The following NFATC1 variants were observed in gnomAD, a reference collection of about 807,000 sequenced individuals.
NFATC1 encodes the protein nuclear factor of activated T cells 1.
A neutral mutation model predicts 76.0 loss-of-function variants in NFATC1; 22 were observed. The ratio of observed to expected loss-of-function variants is 0.29; its 90% CI spans 0.21 to 0.41. The LOEUF (loss-of-function observed/expected upper bound fraction) is 0.41. Ranked by LOEUF, NFATC1 falls within the 10% of genes least tolerant of loss-of-function variation. NFATC1 has a pLI of 1.00. For missense variants in NFATC1, 1,357 were observed against 1,337.7 expected (o/e 1.01, Z -0.23); for synonymous variants, 704 against 613.1 (o/e 1.15, Z -2.19).
intron 6 of NFATC1, among the ~76,000 whole-genome samples, chr18:79,455,776 TCCCACGGCCGCCCCATCCCACGGCCGCC>T (rs1568984220): frequency 4.6e-4 from 5 of 10,910 alleles, no homozygotes; most frequent in African/African-American, 1.6e-3. Flanking sequence ...GGCCGCCCCA[TCCCACGGCCGCCCCATCCCACGGCCGCC>T]CCATCCTCTG....
At position 79,475,036 on chromosome 18, in the gene NFATC1, C is replaced by A. The variant is rs533751073; in HGVS notation, c.2092+7454C>A. ...CGTAAACCTGAGGGAAGCGTGTTCT[C>A]ACGCTCACTGTCGACGTTGTAAACC... On this transcript the variant is annotated intron_variant, in intron 8 of 9. Coordinates refer to ENST00000427363, the MANE Select transcript of NFATC1 (RefSeq NM_001278669.2). Among the ~76,000 whole-genome samples, 14 of 134,996 alleles carry A rather than the reference C, an allele frequency of 1.0e-4. No individual in the cohort carries two copies. In the South Asian group the frequency reaches 3.2e-3, roughly 31 times the overall value. The allele number at this position is 134,996 out of a possible 152,430, so 88.6% of individuals were successfully genotyped here.
chr18:79,452,358 C>T (rs1194074152), intron 6 of NFATC1, among the ~76,000 whole-genome samples: 1 of 152,234 alleles, frequency 6.6e-6, no homozygotes, highest in Non-Finnish European at 1.5e-5. Context: ...TCACCCCTGC[C>T]TCCAGGTGTT....
chr18:79,451,944 G>A, intron 6 of NFATC1, 128 bp downstream of exon 6: 1 of 1,189,494 alleles, frequency 8.4e-7, no homozygotes, highest in South Asian at 1.8e-5. Flanking sequence ...GTGGCACGGA[G>A]CAGAGGCTCT....
chr18:79,458,489 G>A (rs2087867819), intron 6 of NFATC1, among the ~76,000 whole-genome samples: 1 of 152,218 alleles, frequency 6.6e-6, no homozygotes, highest in African/African-American at 2.4e-5. Flanking sequence ...CCGGGCGGCG[G>A]GTCCTGGCCG....
At chr18:79,480,265 G>T (rs978189098) in intron 8 of NFATC1, among the ~76,000 whole-genome samples, 1 of 152,210 alleles carries the variant, frequency 6.6e-6, no homozygotes, top group Non-Finnish European at 1.5e-5. Context: ...AGAGGAGCGT[G>T]TTGCCACAGC....
In NFATC1 at chr18:79,453,746, C is replaced by G. The variant is rs371260750; in HGVS notation, c.1903+1930C>G. Among the ~76,000 whole-genome samples the G allele has an allele frequency of 1.7e-3, 261 of 152,358 alleles. 1 individual carries two copies. The highest frequency in any genetic ancestry group is 6.1e-3 in the African/African-American group (253 of 41,590). Reference sequence around the variant, plus strand: ...TCGAGAGCACGTGAAGCTGTGAATACTGCAGGGATGAAGCCAGACCACGTT... The same window carrying G: ...TCGAGAGCACGTGAAGCTGTGAATAGTGCAGGGATGAAGCCAGACCACGTT... On this transcript the variant is annotated intron_variant, in intron 6 of 9. Coordinates refer to ENST00000427363, the MANE Select transcript of NFATC1 (RefSeq NM_001278669.2).
chr18:79,447,190 G>A (rs745572309), intron 3 of NFATC1, among the ~76,000 whole-genome samples: 6 of 152,220 alleles, frequency 3.9e-5, no homozygotes, highest in East Asian at 1.9e-4. Flanking sequence ...CTGGAGCCAC[G>A]GAGCAAGGGC....
chr18:79,474,088 A>G (rs1436548138), intron 8 of NFATC1, among the ~76,000 whole-genome samples: 17 of 139,542 alleles, frequency 1.2e-4, no homozygotes, highest in South Asian at 6.9e-4. Context: ...TCTCACGCTC[A>G]CTGTCGACGT....
chr18:79,431,962 G>A (rs946308698), intron 2 of NFATC1, among the ~76,000 whole-genome samples: 8 of 152,158 alleles, frequency 5.3e-5, no homozygotes, highest in Admixed American at 6.5e-5. Flanking sequence ...CGGCCTCCCC[G>A]AGTGCTGGGG....
intron 2 of NFATC1, among the ~76,000 whole-genome samples, chr18:79,418,106 G>C (rs1051919008): frequency 6.6e-6 from 1 of 152,134 alleles, no homozygotes; most frequent in African/African-American, 2.4e-5. Context: ...CCAGCACCCT[G>C]CCTTCTTCCT....
intron 8 of NFATC1, among the ~76,000 whole-genome samples, chr18:79,478,083 C>G (rs1371809684): frequency 6.9e-6 from 1 of 144,734 alleles, no homozygotes; most frequent in Non-Finnish European, 1.5e-5. Context: ...GCCCCCCTGC[C>G]TGCCCATCCC....
intron 8 of NFATC1, among the ~76,000 whole-genome samples, chr18:79,484,385 G>A (rs974835287): frequency 1.1e-4 from 16 of 152,094 alleles, no homozygotes; most frequent in African/African-American, 3.6e-4. Flanking sequence ...CAATGGCCCC[G>A]TGATTTTCTT....
chr18:79,431,356 T>C (rs1224347335), intron 2 of NFATC1, among the ~76,000 whole-genome samples: 3 of 152,136 alleles, frequency 2.0e-5, no homozygotes, highest in Non-Finnish European at 4.4e-5. Flanking sequence ...CTGCCCATCG[T>C]TTTTAGTTTG....
intron 7 of NFATC1, among the ~76,000 whole-genome samples, chr18:79,466,306 T>C (rs2088490741): frequency 6.6e-6 from 1 of 152,248 alleles, no homozygotes; most frequent in South Asian, 2.1e-4. Flanking sequence ...AATGGATTTT[T>C]CTCCTGCTTG....
intron 8 of NFATC1, among the ~76,000 whole-genome samples, chr18:79,472,290 G>A (rs905349080): frequency 2.6e-5 from 4 of 152,266 alleles, no homozygotes; most frequent in Admixed American, 6.5e-5. Flanking sequence ...TCCAGGTGGC[G>A]TGGCCCAGGC....
At chr18:79,425,439 G>A (rs1048937989) in intron 2 of NFATC1, among the ~76,000 whole-genome samples, 1 of 152,248 alleles carries the variant, frequency 6.6e-6, no homozygotes, top group Non-Finnish European at 1.5e-5. Flanking sequence ...CTGTGGGCGG[G>A]TGTGGCCCTG....
chr18:79,434,816 G>A (rs1403072581), intron 3 of NFATC1, among the ~76,000 whole-genome samples: 5 of 152,238 alleles, frequency 3.3e-5, no homozygotes, highest in Non-Finnish European at 7.3e-5. Flanking sequence ...GAATTAGCGG[G>A]CAGGGCGCTG....
At chr18:79,468,411 G>T (rs1418739877) in intron 8 of NFATC1, 1 of 144,946 alleles carries the variant, frequency 6.9e-6, no homozygotes, top group Non-Finnish European at 1.5e-5. Context: ...CCCACAGCTC[G>T]GAGGGGACAG....
rs1266705220 is a variant in NFATC1, at chr18:79,433,725, A to T, written c.1373A>T (p.His458Leu). 6.2e-7 allele frequency: 1 copy of T among 1,612,584 alleles called. No individual in the cohort carries two copies. Residue 458 changes from histidine (H) to leucine (L), a missense_variant, in exon 3 of 10, where the codon CAC (histidine) becomes CTC (leucine). Coordinates refer to ENST00000427363, the MANE Select transcript of NFATC1 (RefSeq NM_001278669.2). ...GCCGTGAAGGCGTCGGCCGGAGGACACCCCATCGTGCAGGTAGGCACTGCG... is the reference window on the plus strand; with the variant it reads ...GCCGTGAAGGCGTCGGCCGGAGGACTCCCCATCGTGCAGGTAGGCACTGCG... Reference protein sequence around the residue: ...RGAVKASAGGHPIVQLHGYLE... With the variant: ...RGAVKASAGGLPIVQLHGYLE...
Sources: allele counts gnomAD v4.1 joint callset (sites outside exome capture counted in the v4.1 genomes callset), GRCh38; gene constraint gnomAD v4.1.1; transcripts MANE v1.5; gene names NCBI Gene and HGNC (gene_info 2026-07-23, HGNC 2026-07-21).